COBL: variants seen among roughly 807,000 people sequenced by gnomAD.
COBL encodes protein cordon-bleu.
A neutral mutation model predicts 98.8 loss-of-function variants in COBL; 51 were observed. That is an observed-to-expected ratio of 0.52 (90% CI 0.41 to 0.65). COBL has a LOEUF of 0.65. Among genes scored for constraint, COBL ranks in the 30% least tolerant of loss-of-function variants. The probability of loss-of-function intolerance (pLI) is 0.00; values close to 1 mark genes in which losing one functional copy is unlikely to be tolerated. For synonymous variants in COBL, 634 were observed against 651.7 expected (o/e 0.97, Z 0.41); for missense variants, 1,617 against 1,617.5 (o/e 1.00, Z 0.01).
chr7:51,214,165 C>T (rs1471692676), intron 2 of COBL, among the ~76,000 whole-genome samples: 1 of 151,932 alleles, frequency 6.6e-6, no homozygotes, highest in Non-Finnish European at 1.5e-5. Context: ...ACTCGGGAGG[C>T]TGAGGCAAGA....
chr7:51,093,725 T>C (rs1482563357), intron 6 of COBL, among the ~76,000 whole-genome samples: 1 of 152,002 alleles, frequency 6.6e-6, no homozygotes, highest in Non-Finnish European at 1.5e-5. Flanking sequence ...ACCCTGTCAC[T>C]ACAAAAAATG....
At chr7:51,131,581 T>C (rs1367261019) in intron 6 of COBL, among the ~76,000 whole-genome samples, 1 of 151,834 alleles carries the variant, frequency 6.6e-6, no homozygotes, top group Non-Finnish European at 1.5e-5. Flanking sequence ...TTGACAGTAA[T>C]TGATTCTTCT....
At chr7:51,187,559 C>T (rs1252126539) in intron 4 of COBL, among the ~76,000 whole-genome samples, 1 of 152,098 alleles carries the variant, frequency 6.6e-6, no homozygotes. Flanking sequence ...GGCAGGTAAG[C>T]ATGGGCAGGC....
chr7:51,078,442 C>T (rs1434097886), intron 7 of COBL, among the ~76,000 whole-genome samples: 1 of 152,166 alleles, frequency 6.6e-6, no homozygotes, highest in Non-Finnish European at 1.5e-5. Context: ...TTGATGACAA[C>T]TTGGGCTTCA....
rs562008679 is a variant in COBL at position 51,207,984 on chromosome 7, G to A, written c.245+11757C>T. 1.3e-4 allele frequency among the ~76,000 whole-genome samples: 19 copies of A among 144,630 alleles called. 1 individual carries two copies. Among genetic ancestry groups the A allele is most frequent in the Middle Eastern group, 3.7e-3 (1 of 268 alleles). The allele number at this position is 144,630 out of a possible 152,430, so 94.9% of individuals were successfully genotyped here. On this transcript the variant is annotated intron_variant, in intron 2 of 12. Coordinates refer to ENST00000265136, the MANE Select transcript of COBL (RefSeq NM_015198.5). The stretch of plus-strand genomic sequence containing the variant: ...GGCCGCCATCCCATCTAGGAAGTGA[G>A]GAGAGCCTCTTCCCGGCCGCCATCC...
chr7:51,268,885 G>A (rs1004520845), intron 1 of COBL, among the ~76,000 whole-genome samples: 1 of 149,614 alleles, frequency 6.7e-6, no homozygotes, highest in Non-Finnish European at 1.5e-5. Context: ...AGCCAAGATC[G>A]CGCCATTGCA....
intron 1 of COBL, among the ~76,000 whole-genome samples, chr7:51,273,818 T>G (rs1331345567): frequency 6.6e-6 from 1 of 152,192 alleles, no homozygotes; most frequent in Non-Finnish European, 1.5e-5. Flanking sequence ...ACTTAAACAC[T>G]TCAGTGTTTT....
At chr7:51,251,855 T>C (rs112433327) in intron 1 of COBL, among the ~76,000 whole-genome samples, 1 of 152,020 alleles carries the variant, frequency 6.6e-6, no homozygotes, top group Non-Finnish European at 1.5e-5. Context: ...CATACTTGCA[T>C]GTGTATACAC....
intron 6 of COBL, among the ~76,000 whole-genome samples, chr7:51,092,731 C>G (rs971445388): frequency 6.6e-6 from 1 of 152,118 alleles, no homozygotes; most frequent in Non-Finnish European, 1.5e-5. Flanking sequence ...ATGCCTCCAC[C>G]TTTGTTCTTT....
At chr7:51,070,685 C>T (rs993912181) in intron 7 of COBL, 4 of 152,160 alleles carry the variant, frequency 2.6e-5, no homozygotes, top group African/African-American at 7.2e-5. Context: ...CAAACTGTAT[C>T]ATTTTATGGA....
intron 1 of COBL, among the ~76,000 whole-genome samples, chr7:51,288,208 T>G (rs1356066498): frequency 6.6e-6 from 1 of 151,474 alleles, no homozygotes; most frequent in Admixed American, 6.6e-5. Context: ...CCGAGGCGGG[T>G]GGATCACCTG....
chr7:51,164,637 A>G (rs1787118540), intron 5 of COBL, among the ~76,000 whole-genome samples: 1 of 152,140 alleles, frequency 6.6e-6, no homozygotes, highest in South Asian at 2.1e-4. Context: ...AGAAAAAAAC[A>G]GACATTAATG....
intron 1 of COBL, among the ~76,000 whole-genome samples, chr7:51,234,702 G>GAA (rs71021761): frequency 1.8e-4 from 20 of 114,030 alleles, no homozygotes; most frequent in African/African-American, 6.2e-4. Flanking sequence ...CCCTGTTTCA[G>GAA]AAAAAAAAAA....
intron 1 of COBL, among the ~76,000 whole-genome samples, chr7:51,282,892 C>T (rs1357066210): frequency 4.0e-5 from 6 of 151,322 alleles, no homozygotes; most frequent in Admixed American, 3.9e-4. Flanking sequence ...AAATCAGTAA[C>T]AAAGATAACC....
intron 1 of COBL, among the ~76,000 whole-genome samples, chr7:51,236,104 C>T (rs1795232965): frequency 6.6e-6 from 1 of 152,202 alleles, no homozygotes; most frequent in African/African-American, 2.4e-5. Flanking sequence ...CGCTGACCAA[C>T]ACTCAAATGT....
intron 6 of COBL, among the ~76,000 whole-genome samples, chr7:51,134,010 T>C (rs926235429): frequency 7.2e-5 from 11 of 152,224 alleles, no homozygotes; most frequent in African/African-American, 2.4e-4. Context: ...AAACTAGTCA[T>C]GTCCCTGAAA....
At chr7:51,145,610 C>G (rs1218194187) in intron 5 of COBL, among the ~76,000 whole-genome samples, 2 of 152,052 alleles carry the variant, frequency 1.3e-5, no homozygotes, top group African/African-American at 4.8e-5. Flanking sequence ...AACTCCTGAC[C>G]TCAGGTGATC....
At chr7:51,314,753 G>T (rs369935053) in intron 1 of COBL, among the ~76,000 whole-genome samples, 1 of 152,186 alleles carries the variant, frequency 6.6e-6, no homozygotes, top group Non-Finnish European at 1.5e-5. Flanking sequence ...TTAGACACTG[G>T]ATATGAGTGA....
chr7:51,267,332 G>C (rs1332233059), intron 1 of COBL, among the ~76,000 whole-genome samples: 1 of 152,142 alleles, frequency 6.6e-6, no homozygotes, highest in African/African-American at 2.4e-5. Context: ...GAGGCACACA[G>C]ATGAGCCAGA....
Sources: allele counts gnomAD v4.1 joint callset (sites outside exome capture counted in the v4.1 genomes callset), GRCh38; gene constraint gnomAD v4.1.1; transcripts MANE v1.5; gene names NCBI Gene and HGNC (gene_info 2026-07-23, HGNC 2026-07-21).